SCGB2B2: variants seen among roughly 807,000 people sequenced by gnomAD.
SCGB2B2 encodes secretoglobin-like protein.
Under a neutral mutation model 7.6 loss-of-function variants are expected in SCGB2B2, and 11 were observed. The ratio of observed to expected loss-of-function variants is 1.45; its 90% CI spans 0.91 to 2.40. The LOEUF (loss-of-function observed/expected upper bound fraction) is 2.40. Ranked by LOEUF, SCGB2B2 falls within the 30% of genes most tolerant of loss-of-function variation. SCGB2B2 has a pLI of 0.00. For missense variants in SCGB2B2, 104 were observed against 115.4 expected (o/e 0.90, Z 0.45); for synonymous variants, 50 against 48.6 (o/e 1.03, Z -0.12).
At chr19:34,605,282 T>A (rs2065746173) in intron 1 of SCGB2B2, among the ~76,000 whole-genome samples, 1 of 152,252 alleles carries the variant, frequency 6.6e-6, no homozygotes, top group Non-Finnish European at 1.5e-5. Flanking sequence ...TGGATTTCCA[T>A]GAGTTTTGAG....
chr19:34,629,156 C>T (rs1054671461), intron 1 of SCGB2B2, among the ~76,000 whole-genome samples: 5 of 151,890 alleles, frequency 3.3e-5, no homozygotes, highest in Non-Finnish European at 7.4e-5. Context: ...AACCCACAGC[C>T]AATATCATAC....
intron 1 of SCGB2B2, among the ~76,000 whole-genome samples, chr19:34,626,519 T>C (rs992388492): frequency 2.6e-5 from 4 of 151,894 alleles, no homozygotes; most frequent in Non-Finnish European, 5.9e-5. Flanking sequence ...TGACAGAAGA[T>C]CAAATAAATG....
In SCGB2B2 at chr19:34,626,110, G is replaced by A. The variant is rs552548028; in HGVS notation, c.-2031-29516C>T. Reference sequence around the variant, plus strand: ...ATCCACACCAAAACCCCATCTGTACGTCACCATCATCAAAGACCAAAGGTA... The same window carrying A: ...ATCCACACCAAAACCCCATCTGTACATCACCATCATCAAAGACCAAAGGTA... On this transcript the variant is annotated intron_variant, in intron 1 of 3. Coordinates refer to ENST00000601241, the MANE Select transcript of SCGB2B2 (RefSeq NM_001025591.4). Among the ~76,000 whole-genome samples, 489 of 152,226 alleles carry A rather than the reference G, an allele frequency of 3.2e-3. 1 individual carries two copies. The highest frequency in any genetic ancestry group is 0.011 in the African/African-American group (465 of 41,530).
At chr19:34,630,284 G>T (rs947731730) in intron 1 of SCGB2B2, among the ~76,000 whole-genome samples, 4 of 151,866 alleles carry the variant, frequency 2.6e-5, no homozygotes, top group Non-Finnish European at 4.4e-5. Flanking sequence ...AAACTAAAGA[G>T]CTTCTGCACA....
rs551964332 is a variant in SCGB2B2, at chr19:34,593,026, G to A, written c.*529C>T. Reference sequence around the variant, plus strand: ...TGTTAAGGTTGATTTCCTGGGTTCCGAAAACAGGCATATCGACTGGACACA... The same window carrying A: ...TGTTAAGGTTGATTTCCTGGGTTCCAAAAACAGGCATATCGACTGGACACA... On this transcript the variant is annotated 3_prime_UTR_variant, in exon 4 of 4. Coordinates refer to ENST00000601241, the MANE Select transcript of SCGB2B2 (RefSeq NM_001025591.4). Among the ~76,000 whole-genome samples the A allele has an allele frequency of 2.0e-5, 3 of 152,256 alleles. No individual in the cohort carries two copies. Among genetic ancestry groups the A allele is most frequent in the African/African-American group, 7.2e-5 (3 of 41,556 alleles).
intron 1 of SCGB2B2, among the ~76,000 whole-genome samples, chr19:34,615,208 C>G (rs568538422): frequency 2.7e-4 from 41 of 152,286 alleles, no homozygotes; most frequent in African/African-American, 8.9e-4. Context: ...GAGCAGGACA[C>G]AGGGTGGGCT....
chr19:34,611,974 T>C (rs1450581447), intron 1 of SCGB2B2, among the ~76,000 whole-genome samples: 1 of 150,700 alleles, frequency 6.6e-6, no homozygotes, highest in Non-Finnish European at 1.5e-5. Context: ...TCTTAATTTC[T>C]TTATTAACTC....
intron 1 of SCGB2B2, among the ~76,000 whole-genome samples, chr19:34,607,958 A>G (rs1410131218): frequency 8.0e-6 from 1 of 124,902 alleles, no homozygotes; most frequent in Non-Finnish European, 1.9e-5. Context: ...GTGATTCCAT[A>G]AATATTTTGG....
In SCGB2B2 at chr19:34,676,371, T is replaced by C. The variant is rs1312052563; in HGVS notation, c.-2773A>G. On this transcript the variant is annotated 5_prime_UTR_variant, in exon 1 of 4. The change abolishes an upstream ATG in the 5' untranslated region. Transcript: ENST00000601241. The stretch of plus-strand genomic sequence containing the variant: ...GTGCCATGGCAATTTACAAATGCCA[T>C]GGTAAGGTTCAGAAGTTACCCTGTA... The C allele has an allele frequency of 6.6e-6, 1 of 152,338 alleles. No individual in the cohort carries two copies. The highest frequency in any genetic ancestry group is 1.5e-5 in the Non-Finnish European group (1 of 68,036). 9.4% of individuals were successfully genotyped at this position (152,338 alleles called of 1,614,324 possible).
chr19:34,624,504 C>T (rs936608902), intron 1 of SCGB2B2, among the ~76,000 whole-genome samples: 2 of 152,130 alleles, frequency 1.3e-5, no homozygotes, highest in Non-Finnish European at 2.9e-5. Context: ...GCTAACTTTA[C>T]CCAACAAGGT....
intron 1 of SCGB2B2, among the ~76,000 whole-genome samples, chr19:34,599,706 C>A (rs1361079889): frequency 6.6e-6 from 1 of 152,104 alleles, no homozygotes; most frequent in Non-Finnish European, 1.5e-5. Context: ...ACCATCCTCT[C>A]TTCCCTCCCT....
In SCGB2B2 at chr19:34,593,629, G is replaced by A. The variant is rs538787049; in HGVS notation, c.247-30C>T. The A allele has an allele frequency of 3.6e-5, 56 of 1,544,940 alleles. No individual in the cohort carries two copies. In the South Asian group the frequency reaches 5.2e-4, roughly 14 times the overall value. ...TGGAAAAAGAAGAAAGAGAGGAGCC[G>A]GTGGCCTCTGTGAAAGGCTCCCCAG... is the stretch of plus-strand genomic sequence containing the variant. On this transcript the variant is annotated intron_variant, in intron 3 of 3. Coordinates refer to ENST00000601241, the MANE Select transcript of SCGB2B2 (RefSeq NM_001025591.4).
chr19:34,658,810 CAACA>C (rs760130001), intron 1 of SCGB2B2, among the ~76,000 whole-genome samples: 7,308 of 59,922 alleles, frequency 0.12, 124 homozygotes, highest in Middle Eastern at 0.28. Context: ...ACAACAACAA[CAACA>C]AAAAAAAAAA....
chr19:34,652,063 A>C (rs1261531820), intron 1 of SCGB2B2, among the ~76,000 whole-genome samples: 1 of 151,204 alleles, frequency 6.6e-6, no homozygotes, highest in African/African-American at 2.5e-5. Context: ...TGCCTGAAAA[A>C]CTGGATATCC....
intron 1 of SCGB2B2, among the ~76,000 whole-genome samples, chr19:34,633,531 A>T (rs2066592443): frequency 6.6e-6 from 1 of 152,226 alleles, no homozygotes; most frequent in Non-Finnish European, 1.5e-5. Flanking sequence ...GCATTTTGTT[A>T]TTCCATTTAT....
intron 1 of SCGB2B2, among the ~76,000 whole-genome samples, chr19:34,644,350 GT>G (rs76842372): frequency 0.027 from 3,288 of 120,714 alleles, 89 homozygotes; most frequent in African/African-American, 0.09. Context: ...TTGTTTTTTT[GT>G]TTTTTTTTTT....
intron 1 of SCGB2B2, among the ~76,000 whole-genome samples, chr19:34,662,411 A>T (rs1302836564): frequency 6.6e-6 from 1 of 152,160 alleles, no homozygotes; most frequent in Non-Finnish European, 1.5e-5. Flanking sequence ...TATGTAGAAG[A>T]ATATCTTTAT....
intron 1 of SCGB2B2, among the ~76,000 whole-genome samples, chr19:34,642,997 T>C (rs968808979): frequency 2.0e-5 from 3 of 152,156 alleles, no homozygotes; most frequent in African/African-American, 4.8e-5. Context: ...GAAAACAGTA[T>C]GGACATTTCT....
Position 34,635,039 on chromosome 19 carries a change from A to G in SCGB2B2, c.-2031-38445T>C, listed in dbSNP as rs181818903. On this transcript the variant is annotated intron_variant, in intron 1 of 3. Transcript: ENST00000601241. Reference sequence around the variant, plus strand: ...GGCCTTTCTCCAGTGTGGATTCTCCAATGCCGAGCAAGTGTGATTTTGCAG... The same window carrying G: ...GGCCTTTCTCCAGTGTGGATTCTCCGATGCCGAGCAAGTGTGATTTTGCAG... 1.6e-3 allele frequency: 463 copies of G among 292,768 alleles called. 3 individuals carry two copies. The highest frequency in any genetic ancestry group is 4.5e-3 in the Middle Eastern group (10 of 2,242). The allele number at this position is 292,768 out of a possible 1,614,324, so 18.1% of individuals were successfully genotyped here.
Sources: gnomAD v4.1 joint callset for allele counts (sites outside exome capture counted in the v4.1 genomes callset) on GRCh38, gnomAD v4.1.1 for gene constraint, MANE v1.5 for transcripts, NCBI Gene and HGNC (gene_info 2026-07-23, HGNC 2026-07-21) for gene names.